Variants in CNIH3 observed in about 807,000 individuals in gnomAD.
The protein encoded by CNIH3 is cornichon family AMPA receptor auxiliary protein 3.
Under a neutral mutation model 24.1 loss-of-function variants are expected in CNIH3, and 14 were observed. That is an observed-to-expected ratio of 0.58 (90% CI 0.38 to 0.91). The LOEUF (loss-of-function observed/expected upper bound fraction) is 0.91, where lower values mean the gene tolerates loss of function less well. Among genes scored for constraint, CNIH3 ranks in the 40% least tolerant of loss-of-function variants. The pLI, the probability that CNIH3 is intolerant of heterozygous loss-of-function variation, is 0.00. For missense variants in CNIH3, 178 were observed against 196.8 expected, an observed-to-expected ratio of 0.90 and a Z score of 0.57; for synonymous variants, 68 against 73.8, an observed-to-expected ratio of 0.92 and a Z score of 0.40.
intron 1 of CNIH3, among the ~76,000 whole-genome samples, chr1:224,626,030 C>T (rs1683510329): frequency 6.6e-6 from 1 of 151,716 alleles, no homozygotes; most frequent in Non-Finnish European, 1.5e-5. Context: ...TTAGATAAGG[C>T]AGATATTAAA....
At chr1:224,506,226 G>A (rs1307117535) in intron 1 of CNIH3, among the ~76,000 whole-genome samples, 1 of 152,098 alleles carries the variant, frequency 6.6e-6, no homozygotes, top group Non-Finnish European at 1.5e-5. Context: ...GTGTCACCAG[G>A]CCTGGGGCCA....
At chr1:224,570,629 T>C (rs1009587760) in intron 4 of CNIH3, among the ~76,000 whole-genome samples, 5 of 152,358 alleles carry the variant, frequency 3.3e-5, no homozygotes, top group Non-Finnish European at 7.3e-5. Flanking sequence ...CCATTTTTAA[T>C]TGTTTTTTAA....
intron 4 of CNIH3, among the ~76,000 whole-genome samples, chr1:224,582,019 G>A (rs1003528671): frequency 6.6e-6 from 1 of 152,144 alleles, no homozygotes; most frequent in African/African-American, 2.4e-5. Flanking sequence ...GGGTGGACAT[G>A]CACAAAATAG....
chr1:224,669,214 C>T (rs776195316), intron 1 of CNIH3, among the ~76,000 whole-genome samples: 3 of 152,168 alleles, frequency 2.0e-5, no homozygotes, highest in Non-Finnish European at 2.9e-5. Flanking sequence ...CAGAGTTGCA[C>T]AGCTCTGGGG....
At chr1:224,582,107 C>A (rs781085171) in intron 4 of CNIH3, among the ~76,000 whole-genome samples, 1 of 152,174 alleles carries the variant, frequency 6.6e-6, no homozygotes, top group African/African-American at 2.4e-5. Context: ...TTCCTGACAA[C>A]CTTTGCCTTT....
rs1689782590 is a variant in CNIH3, at chr1:224,739,800, CT to C, written c.*445del. Reference sequence around the variant, plus strand: ...GAGTCAAGGCCAAGTCTGCAGGGACCTGTTGAAAGCCTCGAGAATGTCTTGG... The same window carrying C: ...GAGTCAAGGCCAAGTCTGCAGGGACCGTTGAAAGCCTCGAGAATGTCTTGG... On this transcript the variant is annotated 3_prime_UTR_variant, in exon 6 of 6. Transcript: ENST00000272133. 6.0e-6 allele frequency: 1 copy of C among 165,946 alleles called. No homozygotes were observed. Among genetic ancestry groups the C allele is most frequent in the South Asian group, 1.9e-4 (1 of 5,316 alleles). 10.3% of individuals were successfully genotyped at this position (165,946 alleles called of 1,614,324 possible). A position where few individuals can be genotyped will look rare whatever the true frequency, so the allele number is the denominator to read the frequency against.
At chr1:224,450,459 C>A (rs1348541808) in intron 1 of CNIH3, among the ~76,000 whole-genome samples, 2 of 152,134 alleles carry the variant, frequency 1.3e-5, no homozygotes, top group Non-Finnish European at 2.9e-5. Flanking sequence ...TCTGAATGAA[C>A]TACTCTCGTG....
At chr1:224,612,998 C>A (rs1384716712), upstream of CNIH3, among the ~76,000 whole-genome samples, 1 of 152,076 alleles carries the variant, frequency 6.6e-6, no homozygotes, top group Non-Finnish European at 1.5e-5. The surrounding 1 kb of genome is among the most constrained non-coding windows in gnomAD (Gnocchi z 4.7). Flanking sequence ...TTATATTTTC[C>A]AAATTATTTT....
At chr1:224,547,109 A>T (rs1679732380) in intron 3 of CNIH3, among the ~76,000 whole-genome samples, 1 of 152,214 alleles carries the variant, frequency 6.6e-6, no homozygotes, top group South Asian at 2.1e-4. Flanking sequence ...CCAAAATTGC[A>T]AGATTTCCTA....
chr1:224,634,085 G>A (rs929544278), intron 1 of CNIH3, among the ~76,000 whole-genome samples: 31 of 152,198 alleles, frequency 2.0e-4, no homozygotes, highest in African/African-American at 7.2e-4. Flanking sequence ...CCTGCAAGGG[G>A]ATGACTACCC....
downstream of CNIH3, among the ~76,000 whole-genome samples, chr1:224,590,711 A>G (rs905039397): frequency 1.2e-4 from 18 of 152,110 alleles, no homozygotes; most frequent in Non-Finnish European, 2.4e-4. Flanking sequence ...TTCCAACACT[A>G]TTGCATTTGG....
At chr1:224,515,222 G>T (rs1482728970), upstream of CNIH3, among the ~76,000 whole-genome samples, 6 of 152,182 alleles carry the variant, frequency 3.9e-5, no homozygotes, top group African/African-American at 1.4e-4. Flanking sequence ...CCACTCTTTA[G>T]CAGTGAAAAG....
At chr1:224,440,961 C>T (rs1313928884) in intron 1 of CNIH3, among the ~76,000 whole-genome samples, 3 of 152,072 alleles carry the variant, frequency 2.0e-5, no homozygotes, top group Non-Finnish European at 2.9e-5. Flanking sequence ...GGACTACAGG[C>T]GTCCGCCACC....
At chr1:224,462,897 CTTTTTTTTTTT>C (rs71572901) in intron 1 of CNIH3, among the ~76,000 whole-genome samples, 5 of 73,402 alleles carry the variant, frequency 6.8e-5, no homozygotes, top group Admixed American at 2.1e-4. Context: ...ATATGTTTAA[CTTTTTTTTTTT>C]TTTTTTTTTT....
At chr1:224,593,767 C>A (rs1003564005) in intron 3 of CNIH3, among the ~76,000 whole-genome samples, 3 of 152,182 alleles carry the variant, frequency 2.0e-5, no homozygotes, top group Admixed American at 2.0e-4. Flanking sequence ...CCATTGAACA[C>A]ACACTCTATC....
intron 3 of CNIH3, among the ~76,000 whole-genome samples, chr1:224,720,649 C>G (rs570927753): frequency 1.3e-5 from 2 of 152,120 alleles, no homozygotes; most frequent in African/African-American, 4.8e-5. Context: ...TCATCTGCCC[C>G]GTGCTGAGTA....
intron 1 of CNIH3, among the ~76,000 whole-genome samples, chr1:224,488,473 T>TG (rs1172830080): frequency 6.0e-3 from 30 of 4,994 alleles, no homozygotes; most frequent in South Asian, 0.013. Flanking sequence ...TTTTGGGGGG[T>TG]GGGGGGGAAC....
chr1:224,450,036 A>G (rs1164008952), intron 1 of CNIH3, among the ~76,000 whole-genome samples: 3 of 152,062 alleles, frequency 2.0e-5, no homozygotes, highest in Non-Finnish European at 4.4e-5. Flanking sequence ...ACACACATAC[A>G]TATATGTATA....
chr1:224,452,780 T>A lies in CNIH3; in HGVS notation n.203+17918T>A, dbSNP rs1487494547. On this transcript the variant is annotated intron_variant and non_coding_transcript_variant, in intron 1 of 5. Transcript: ENST00000471578. ...CTGGGCAACAGAGCGAAACTCTGTC[T>A]CAAAAAAAAAAAAAAAAAAAAAGGG... Among the ~76,000 whole-genome samples the A allele has an allele frequency of 7.2e-4, 41 of 57,330 alleles. No homozygotes were observed. The East Asian group carries it at 0.011, about 16-fold the overall frequency. The allele number at this position is 57,330 out of a possible 152,430, so 37.6% of individuals were successfully genotyped here. A position where few individuals can be genotyped will look rare whatever the true frequency, so the allele number is the denominator to read the frequency against.
Sources: allele counts gnomAD v4.1 joint callset (sites outside exome capture counted in the v4.1 genomes callset), GRCh38; gene constraint gnomAD v4.1.1; non-coding constraint Gnocchi (gnomAD v3.1); transcripts MANE v1.5; gene names NCBI Gene and HGNC (gene_info 2026-07-23, HGNC 2026-07-21).